Variants in CDK14 observed in about 807,000 individuals in gnomAD.
CDK14 encodes cyclin-dependent kinase 14.
Under a neutral mutation model 60.7 loss-of-function variants are expected in CDK14, and 34 were observed. The observed-to-expected ratio is 0.56, with a 90% CI of 0.43 to 0.75. The LOEUF (loss-of-function observed/expected upper bound fraction) is 0.75, where lower values mean the gene tolerates loss of function less well. Ranked by LOEUF, CDK14 falls within the 30% of genes least tolerant of loss-of-function variation. The pLI is 0.00. For missense variants in CDK14, 482 were observed against 564.1 expected (o/e 0.85, Z 1.47); for synonymous variants, 197 against 203.7 (o/e 0.97, Z 0.28).
intron 2 of CDK14, among the ~76,000 whole-genome samples, chr7:90,694,321 A>T (rs1367336147): frequency 1.3e-5 from 2 of 152,190 alleles, no homozygotes; most frequent in Non-Finnish European, 2.9e-5. Flanking sequence ...TAAGGATTTT[A>T]AAAAAACAGT....
rs1298555134 is a variant in CDK14 at position 90,809,171 on chromosome 7, C to A, written c.544+18519C>A. 2.0e-5 allele frequency among the ~76,000 whole-genome samples: 3 copies of A among 152,246 alleles called. No homozygotes were observed. The East Asian group carries it at 5.8e-4, about 29-fold the overall frequency. ...ACCCCAAATCAACAGAATATACATT[C>A]TTTTCAGCACCACACCACACCTATT... On this transcript the variant is annotated intron_variant, in intron 5 of 14. Coordinates refer to ENST00000380050, the MANE Select transcript of CDK14 (RefSeq NM_001287135.2).
intron 3 of CDK14, among the ~76,000 whole-genome samples, chr7:90,736,738 A>T (rs1396375832): frequency 6.6e-6 from 1 of 152,186 alleles, no homozygotes; most frequent in Non-Finnish European, 1.5e-5. Context: ...CATTGCAGCC[A>T]CTGTTTTAAT....
At chr7:91,177,588 AG>A (rs1801817777) in intron 14 of CDK14, among the ~76,000 whole-genome samples, 1 of 152,162 alleles carries the variant, frequency 6.6e-6, no homozygotes, top group Admixed American at 6.5e-5. Flanking sequence ...AATCTCCTTA[AG>A]CTGATAAGCA....
chr7:91,024,600 G>A (rs1005346607), intron 10 of CDK14, among the ~76,000 whole-genome samples: 11 of 152,188 alleles, frequency 7.2e-5, no homozygotes, highest in African/African-American at 1.9e-4. Context: ...GCAGTGAGCC[G>A]AGATTGTGCC....
At chr7:91,190,880 C>T (rs1802340878) in intron 14 of CDK14, among the ~76,000 whole-genome samples, 1 of 152,144 alleles carries the variant, frequency 6.6e-6, no homozygotes. Flanking sequence ...TGGGTGGTAT[C>T]AGGCATGGAG....
At chr7:90,808,593 C>T (rs1032040354) in intron 5 of CDK14, among the ~76,000 whole-genome samples, 1 of 152,108 alleles carries the variant, frequency 6.6e-6, no homozygotes, top group African/African-American at 2.4e-5. Context: ...ATCATAATGA[C>T]AGGATCAAAT....
chr7:91,116,161 A>G (rs1046324432), intron 13 of CDK14, among the ~76,000 whole-genome samples: 2 of 152,246 alleles, frequency 1.3e-5, no homozygotes, highest in East Asian at 1.9e-4. Flanking sequence ...TCCTGCATAT[A>G]CTATCAAGTT....
intron 5 of CDK14, among the ~76,000 whole-genome samples, chr7:90,826,403 G>A (rs1273633535): frequency 4.6e-5 from 7 of 151,938 alleles, no homozygotes; most frequent in Non-Finnish European, 1.0e-4. Context: ...ATTTTTAGTA[G>A]AGACAGGGTT....
chr7:90,918,679 C>T (rs140278252), intron 8 of CDK14, among the ~76,000 whole-genome samples: 15 of 152,142 alleles, frequency 9.9e-5, no homozygotes, highest in African/African-American at 3.1e-4. Flanking sequence ...AAAATATTAC[C>T]CTTGGGACAT....
At chr7:91,096,048 A>G (rs752133916) in intron 12 of CDK14, among the ~76,000 whole-genome samples, 22 of 123,096 alleles carry the variant, frequency 1.8e-4, no homozygotes, top group Non-Finnish European at 2.7e-4. Flanking sequence ...TTATTTATCT[A>G]TATTACCACA....
intron 4 of CDK14, among the ~76,000 whole-genome samples, chr7:90,751,674 T>A (rs1298058656): frequency 6.6e-6 from 1 of 152,162 alleles, no homozygotes; most frequent in East Asian, 1.9e-4. Context: ...ATATCAATAT[T>A]AACTTTGAAT....
chr7:91,061,796 G>A (rs1364358974), intron 11 of CDK14, among the ~76,000 whole-genome samples: 3 of 152,232 alleles, frequency 2.0e-5, no homozygotes, highest in Non-Finnish European at 2.9e-5. Flanking sequence ...CTTGTGAGGT[G>A]TCAGTCTGCC....
intron 9 of CDK14, among the ~76,000 whole-genome samples, chr7:90,958,971 T>C (rs1210856161): frequency 6.6e-6 from 1 of 152,110 alleles, no homozygotes. Context: ...TGACATAATA[T>C]GTGTGTTTCT....
At chr7:91,116,633 G>A (rs916063884) in intron 13 of CDK14, among the ~76,000 whole-genome samples, 2 of 152,062 alleles carry the variant, frequency 1.3e-5, no homozygotes, top group African/African-American at 4.8e-5. Context: ...CCTTCAGTTC[G>A]TAGACTTTCA....
intron 11 of CDK14, among the ~76,000 whole-genome samples, chr7:91,060,867 A>T (rs1797762643): frequency 6.6e-6 from 1 of 152,062 alleles, no homozygotes; most frequent in South Asian, 2.1e-4. Flanking sequence ...TGAATCTGAC[A>T]ATTATGTGTC....
At chr7:90,650,844 T>G (rs1800619956) in intron 2 of CDK14, among the ~76,000 whole-genome samples, 1 of 152,232 alleles carries the variant, frequency 6.6e-6, no homozygotes, top group Non-Finnish European at 1.5e-5. Flanking sequence ...ACTGCTATGC[T>G]GTTTTGTTAC....
intron 7 of CDK14, among the ~76,000 whole-genome samples, chr7:90,908,057 G>A (rs756982884): frequency 1.3e-5 from 2 of 151,984 alleles, no homozygotes; most frequent in African/African-American, 2.4e-5. Flanking sequence ...ATTTCATGAG[G>A]CCATTAAAGA....
intron 6 of CDK14, among the ~76,000 whole-genome samples, chr7:90,878,652 T>C (rs574367167): frequency 6.6e-6 from 1 of 152,238 alleles, no homozygotes; most frequent in South Asian, 2.1e-4. Context: ...ACTGACAAAA[T>C]ATGGGTTTTG....
At chr7:91,173,393 AG>A (rs1562980833) in intron 14 of CDK14, among the ~76,000 whole-genome samples, 6 of 151,982 alleles carry the variant, frequency 3.9e-5, no homozygotes, top group Middle Eastern at 3.4e-3. Flanking sequence ...CAGGAATTCA[AG>A]ACCAGCCTGG....
Sources: allele counts gnomAD v4.1 joint callset (sites outside exome capture counted in the v4.1 genomes callset), GRCh38; gene constraint gnomAD v4.1.1; transcripts MANE v1.5; gene names NCBI Gene and HGNC (gene_info 2026-07-23, HGNC 2026-07-21).